CIB4: variants seen among roughly 807,000 people sequenced by gnomAD.
CIB4 encodes calcium and integrin binding family member 4.
In CIB4, 25 loss-of-function variants were observed where a neutral mutation model predicts 25.8. The ratio of observed to expected loss-of-function variants is 0.97; its 90% CI spans 0.71 to 1.35. CIB4 has a LOEUF of 1.35. Ranked by LOEUF, CIB4 falls within the 40% of genes most tolerant of loss-of-function variation. CIB4 has a pLI of 0.00. For synonymous variants in CIB4, 75 were observed against 81.4 expected (o/e 0.92, Z 0.42); for missense variants, 235 against 228.2 (o/e 1.03, Z -0.19).
In CIB4 at chr2:26,629,521, A is replaced by G. The variant is rs2148223635; in HGVS notation, c.90-15T>C. The G allele has an allele frequency of 1.3e-6, 2 of 1,535,328 alleles. No homozygotes were observed. The highest frequency in any genetic ancestry group is 2.4e-5 in the East Asian group (1 of 42,326). On this transcript the variant is annotated splice_polypyrimidine_tract_variant and intron_variant, in intron 2 of 6. Transcript: ENST00000288861. ...TGTCATGGATGCTGAAAAGAGAGGC[A>G]TGAAGACCGTGTGGCCGGGGAAAGG...
chr2:26,592,313 C>T (rs1429482446), intron 4 of CIB4, among the ~76,000 whole-genome samples: 2 of 152,182 alleles, frequency 1.3e-5, no homozygotes, highest in African/African-American at 4.8e-5. Flanking sequence ...AGAGGAGCAG[C>T]GGCTAGAGGG....
chr2:26,621,376 A>T (rs1669202401), intron 3 of CIB4, among the ~76,000 whole-genome samples: 1 of 152,104 alleles, frequency 6.6e-6, no homozygotes, highest in South Asian at 2.1e-4. Context: ...TCTAAAGAAA[A>T]ATGATATCCA....
At chr2:26,636,999 T>C (rs1408210602) in intron 2 of CIB4, among the ~76,000 whole-genome samples, 1 of 152,168 alleles carries the variant, frequency 6.6e-6, no homozygotes, top group South Asian at 2.1e-4. Flanking sequence ...CCCTTAGCTT[T>C]CGATTTCTAC....
At chr2:26,613,714 T>C (rs1043245815) in intron 3 of CIB4, among the ~76,000 whole-genome samples, 24 of 152,160 alleles carry the variant, frequency 1.6e-4, no homozygotes, top group African/African-American at 5.3e-4. Context: ...CAGGAGACTT[T>C]AGGGTTTGCA....
At position 26,641,272 on chromosome 2, in the gene CIB4, C is replaced by T. The variant is rs1433909156; in HGVS notation, c.43G>A (p.Glu15Lys). 2 of 1,613,554 alleles carry T rather than the reference C, an allele frequency of 1.2e-6. No homozygotes were observed. Among genetic ancestry groups the T allele is most frequent in the Non-Finnish European group, 1.7e-6 (2 of 1,179,650 alleles). The change falls in exon 1 of 7, where the codon GAA becomes AAA. Residue 15 changes from glutamate (E) to lysine (K), a missense_variant. Transcript: ENST00000288861. Reference sequence around the variant, plus strand: ...CCCGATCTACCCACCTGGTACTCTTCCAGGTCCTCCCAGTGCATCTGATAC... The same window carrying T: ...CCCGATCTACCCACCTGGTACTCTTTCAGGTCCTCCCAGTGCATCTGATAC... ...LRYQMHWEDL[E>K]EYQALTFLTR...
chr2:26,618,695 G>A (rs1006533387), intron 3 of CIB4, among the ~76,000 whole-genome samples: 2 of 152,214 alleles, frequency 1.3e-5, no homozygotes, highest in African/African-American at 2.4e-5. Flanking sequence ...CTGGGGAAGG[G>A]TCTACGTGTG....
chr2:26,594,279 G>A (rs1668639709), intron 4 of CIB4, among the ~76,000 whole-genome samples: 1 of 152,168 alleles, frequency 6.6e-6, no homozygotes, highest in Admixed American at 6.5e-5. Context: ...GATTTCATGT[G>A]TGCTTACCAA....
chr2:26,591,031 G>A (rs1668577351), intron 4 of CIB4, among the ~76,000 whole-genome samples: 1 of 152,218 alleles, frequency 6.6e-6, no homozygotes, highest in Non-Finnish European at 1.5e-5. Context: ...AGAACCTTCT[G>A]CTCACCTCGC....
In CIB4 at chr2:26,640,224, C is replaced by T. The variant is rs1255634393; in HGVS notation, c.89+309G>A. Among the ~76,000 whole-genome samples, 4 of 152,234 alleles carry T rather than the reference C, an allele frequency of 2.6e-5. No individual in the cohort carries two copies. The East Asian group carries it at 5.8e-4, about 22-fold the overall frequency. ...CAGACATAAGTTCCCCAAGTCCTTT[C>T]CTTGTTCTCCTCATTATTCCAAAGA... On this transcript the variant is annotated intron_variant, in intron 2 of 6. Coordinates refer to ENST00000288861, the MANE Select transcript of CIB4 (RefSeq NM_001029881.3).
At position 26,581,348 on chromosome 2, in the gene CIB4, G is replaced by GTATT; in HGVS notation, c.*14_*15insAATA. 6.2e-7 allele frequency: 1 copy of GTATT among 1,611,102 alleles called. No homozygotes were observed. The highest frequency in any genetic ancestry group is 8.5e-7 in the Non-Finnish European group (1 of 1,177,352). On this transcript the variant is annotated 3_prime_UTR_variant, in exon 7 of 7. Coordinates refer to ENST00000288861, the MANE Select transcript of CIB4 (RefSeq NM_001029881.3). ...GTCTCCCTCGAGGCTGCCATGTCAG[G>GTATT]TGTTTGCCGCTACATCAGCATCCCC...
rs1256289666 is a variant in CIB4, at chr2:26,589,135, TTCTTCTCCTTCC to T, written c.329-5249_329-5238del. On this transcript the variant is annotated intron_variant, in intron 4 of 6. Coordinates refer to ENST00000288861, the MANE Select transcript of CIB4 (RefSeq NM_001029881.3). The stretch of plus-strand genomic sequence containing the variant: ...CTTCTTCTTCTTCTTCTTCTTCTTC[TTCTTCTCCTTCC>T]CCTTCCCCTTCCCCTTCTCCTTCTC... Among the ~76,000 whole-genome samples the T allele has an allele frequency of 5.7e-4, 74 of 128,914 alleles. 1 individual carries two copies. The highest frequency in any genetic ancestry group is 2.1e-3 in the African/African-American group (68 of 31,684). The allele number at this position is 128,914 out of a possible 152,430, so 84.6% of individuals were successfully genotyped here. A position where few individuals can be genotyped will look rare whatever the true frequency, so the allele number is the denominator to read the frequency against.
At chr2:26,610,049 A>C (rs1408938239) in intron 3 of CIB4, among the ~76,000 whole-genome samples, 1 of 152,142 alleles carries the variant, frequency 6.6e-6, no homozygotes, top group African/African-American at 2.4e-5. Context: ...TTGGAGTGGC[A>C]GGGCCCCGCT....
In CIB4 at chr2:26,587,363, A is replaced by G. The variant is rs532524212; in HGVS notation, c.329-3465T>C. 2.5e-3 allele frequency among the ~76,000 whole-genome samples: 367 copies of G among 146,970 alleles called. 2 individuals are homozygous for G. The highest frequency in any genetic ancestry group is 3.7e-3 in the Non-Finnish European group (245 of 66,902). On this transcript the variant is annotated intron_variant, in intron 4 of 6. Coordinates refer to ENST00000288861, the MANE Select transcript of CIB4 (RefSeq NM_001029881.3). ...TGGGTAACTATCTCTTGACTTCTAC[A>G]TATTAGATAAATAAATATATAGCTT...
intron 5 of CIB4, among the ~76,000 whole-genome samples, chr2:26,583,411 G>T (rs950381884): frequency 2.0e-5 from 3 of 152,208 alleles, no homozygotes; most frequent in African/African-American, 7.2e-5. Flanking sequence ...GGACAGAGTG[G>T]GGAGGGGATG....
At chr2:26,618,103 C>CA (rs1194986280) in intron 3 of CIB4, among the ~76,000 whole-genome samples, 6 of 152,048 alleles carry the variant, frequency 3.9e-5, no homozygotes, top group Non-Finnish European at 8.8e-5. Flanking sequence ...AAAAACTGAT[C>CA]AAAAAATGCA....
intron 3 of CIB4, among the ~76,000 whole-genome samples, chr2:26,608,830 G>A (rs1480371201): frequency 6.6e-6 from 1 of 152,140 alleles, no homozygotes; most frequent in African/African-American, 2.4e-5. Flanking sequence ...GCCCTGCAGA[G>A]GTGGCATAGC....
chr2:26,628,710 G>A (rs1026173201), intron 3 of CIB4, among the ~76,000 whole-genome samples: 2 of 152,230 alleles, frequency 1.3e-5, no homozygotes, highest in African/African-American at 4.8e-5. Context: ...TGGGAGGACA[G>A]TCTCTGGGCC....
chr2:26,628,425 G>A (rs1669349788), intron 3 of CIB4, among the ~76,000 whole-genome samples: 1 of 152,070 alleles, frequency 6.6e-6, no homozygotes, highest in Non-Finnish European at 1.5e-5. Flanking sequence ...CCAAGACCAG[G>A]GAAGGTTTGC....
At chr2:26,625,131 A>G (rs1176399037) in intron 3 of CIB4, among the ~76,000 whole-genome samples, 4 of 152,156 alleles carry the variant, frequency 2.6e-5, no homozygotes, top group Non-Finnish European at 4.4e-5. Context: ...GGCCAGAACC[A>G]CAGACTCAGA....
Sources: allele counts gnomAD v4.1 joint callset (sites outside exome capture counted in the v4.1 genomes callset), GRCh38; gene constraint gnomAD v4.1.1; transcripts MANE v1.5; gene names NCBI Gene and HGNC (gene_info 2026-07-23, HGNC 2026-07-21).